The following DTNA variants were observed in gnomAD, a reference collection of about 807,000 sequenced individuals.
DTNA encodes the protein dystrobrevin alpha, also known as dystrophin-related protein 3.
Under a neutral mutation model 100.7 loss-of-function variants are expected in DTNA, and 43 were observed. The ratio of observed to expected loss-of-function variants is 0.43; its 90% CI spans 0.33 to 0.55. The LOEUF is 0.55. Ranked by LOEUF, DTNA falls within the 20% of genes least tolerant of loss-of-function variation. The pLI, the probability that DTNA is intolerant of heterozygous loss-of-function variation, is 0.04. For synonymous variants in DTNA, 349 were observed against 347.9 expected (o/e 1.00, Z -0.04); for missense variants, 798 against 953.9 (o/e 0.84, Z 2.15).
intron 1 of DTNA, among the ~76,000 whole-genome samples, chr18:34,598,951 T>C (rs2051217855): frequency 6.6e-6 from 1 of 152,252 alleles, no homozygotes; most frequent in Non-Finnish European, 1.5e-5. Flanking sequence ...TGTATTTGTT[T>C]ATTAAACATT....
intron 1 of DTNA, among the ~76,000 whole-genome samples, chr18:34,749,643 A>AAAAAAAAAAAAT (rs1210485347): frequency 1.5e-3 from 58 of 39,858 alleles, no homozygotes; most frequent in Middle Eastern, 0.016. Context: ...TCTCTCCAAA[A>AAAAAAAAAAAAT]AATAATAATA....
At chr18:34,573,918 T>G (rs113771982) in intron 1 of DTNA, 2 of 152,236 alleles carry the variant, frequency 1.3e-5, no homozygotes, top group Non-Finnish European at 2.9e-5. Context: ...AGATTCTACA[T>G]ATAAGGGAAG....
chr18:34,522,047 G>A (rs888399601), intron 1 of DTNA, among the ~76,000 whole-genome samples: 2 of 152,088 alleles, frequency 1.3e-5, no homozygotes, highest in Non-Finnish European at 2.9e-5. Flanking sequence ...CACTCTCCTG[G>A]GTTCTTCTGC....
intron 1 of DTNA, among the ~76,000 whole-genome samples, chr18:34,583,354 G>T (rs565398677): frequency 6.6e-6 from 1 of 152,230 alleles, no homozygotes; most frequent in Admixed American, 6.5e-5. Context: ...ACACACAACT[G>T]CTGAATTTGG....
At chr18:34,806,183 T>G in intron 4 of DTNA, 36 bp from the exon 5 acceptor site, 1 of 1,580,632 alleles carries the variant, frequency 6.3e-7, no homozygotes, top group Non-Finnish European at 8.7e-7. Context: ...TTTGTTTTGT[T>G]TTTGTTTTTG....
chr18:34,577,120 T>C (rs2048184306), intron 1 of DTNA, among the ~76,000 whole-genome samples: 1 of 152,190 alleles, frequency 6.6e-6, no homozygotes, highest in Admixed American at 6.5e-5. Flanking sequence ...TTGTCTATTC[T>C]CACTTTAATT....
intron 3 of DTNA, among the ~76,000 whole-genome samples, chr18:34,766,297 T>A (rs1011964942): frequency 5.3e-5 from 8 of 152,154 alleles, no homozygotes; most frequent in African/African-American, 1.9e-4. Context: ...TGGATACATA[T>A]ACAATATAAT....
chr18:34,510,789 G>A (rs1002158987), intron 1 of DTNA, among the ~76,000 whole-genome samples: 16 of 151,962 alleles, frequency 1.1e-4, no homozygotes, highest in Non-Finnish European at 5.9e-5. Flanking sequence ...AAGGCTAATA[G>A]TAATGATAGG....
chr18:34,826,316 G>A (rs1020053192), intron 9 of DTNA, among the ~76,000 whole-genome samples: 4 of 151,956 alleles, frequency 2.6e-5, no homozygotes, highest in Admixed American at 2.6e-4. Flanking sequence ...GTGAGATTTT[G>A]GTGCACCCAT....
intron 18 of DTNA, among the ~76,000 whole-genome samples, chr18:34,876,073 G>A (rs886184268): frequency 4.6e-5 from 7 of 151,960 alleles, no homozygotes; most frequent in South Asian, 2.1e-4. Context: ...GACCTTCACC[G>A]GCAGCTTTCA....
intron 1 of DTNA, among the ~76,000 whole-genome samples, chr18:34,557,678 C>CTCGGGGG (rs1239112564): frequency 4.0e-5 from 6 of 151,862 alleles, no homozygotes; most frequent in African/African-American, 1.2e-4. Flanking sequence ...AGTTAGGCTG[C>CTCGGGGG]TCGGGGGTCA....
chr18:34,851,187 TC>T, intron 14 of DTNA, among the ~76,000 whole-genome samples: 1 of 152,166 alleles, frequency 6.6e-6, no homozygotes, highest in South Asian at 2.1e-4. Flanking sequence ...CACTGCAACC[TC>T]CACCTCGGGC....
chr18:34,685,000 T>A (rs1314098893), intron 1 of DTNA, among the ~76,000 whole-genome samples: 1 of 152,208 alleles, frequency 6.6e-6, no homozygotes, highest in Non-Finnish European at 1.5e-5. Flanking sequence ...GGGTTGCTTT[T>A]TTCTTGTAAA....
Position 34,710,373 on chromosome 18 carries a change from A to G in DTNA, c.-74A>G, listed in dbSNP as rs893808465. ...TTGGAAATGTGTAAGGTCAAATACT[A>G]TAGTTTTCAGCATATGTAGTACTTC... On this transcript the variant is annotated 5_prime_UTR_variant, in exon 1 of 23. Transcript: ENST00000444659. 1 of 152,192 alleles carries G rather than the reference A, an allele frequency of 6.6e-6. No individual in the cohort carries two copies. The highest frequency in any genetic ancestry group is 6.5e-5 in the Admixed American group (1 of 15,274). 9.4% of individuals were successfully genotyped at this position (152,192 alleles called of 1,614,324 possible).
intron 22 of DTNA, among the ~76,000 whole-genome samples, chr18:34,885,121 G>T (rs530006195): frequency 2.0e-5 from 3 of 152,132 alleles, no homozygotes; most frequent in African/African-American, 7.2e-5. Context: ...GTTTGTAGCC[G>T]CTCTAGCACT....
At chr18:34,705,741 T>G (rs1381567068), upstream of DTNA, among the ~76,000 whole-genome samples, 1 of 152,112 alleles carries the variant, frequency 6.6e-6, no homozygotes, top group African/African-American at 2.4e-5. Context: ...AACCAAAAAT[T>G]TATATACAAA....
intron 1 of DTNA, among the ~76,000 whole-genome samples, chr18:34,657,661 A>G (rs558413300): frequency 6.6e-5 from 10 of 152,334 alleles, no homozygotes; most frequent in Admixed American, 5.9e-4. Flanking sequence ...TTAGACAAGG[A>G]AGACTACTAA....
intron 1 of DTNA, among the ~76,000 whole-genome samples, chr18:34,524,872 T>C (rs1014624903): frequency 1.8e-4 from 28 of 152,134 alleles, no homozygotes; most frequent in African/African-American, 6.8e-4. Flanking sequence ...TAATAACTTG[T>C]GCAGAAAACC....
chr18:34,883,590 A>G (rs1333475556), intron 21 of DTNA, among the ~76,000 whole-genome samples: 1 of 152,166 alleles, frequency 6.6e-6, no homozygotes, highest in Non-Finnish European at 1.5e-5. Flanking sequence ...GATTATAGGC[A>G]TAAGCCACCA....
Sources: gnomAD v4.1 joint callset for allele counts (sites outside exome capture counted in the v4.1 genomes callset) on GRCh38, gnomAD v4.1.1 for gene constraint, MANE v1.5 for transcripts, NCBI Gene and HGNC (gene_info 2026-07-23, HGNC 2026-07-21) for gene names.